Variants in PRKAB1 observed in about 807,000 individuals in gnomAD.
The protein encoded by PRKAB1 is 5'-AMP-activated protein kinase subunit beta-1.
PRKAB1 carries 18 observed loss-of-function variants against 32.0 expected under a neutral mutation model. That is an observed-to-expected ratio of 0.56 (90% CI 0.39 to 0.83). PRKAB1 has a LOEUF of 0.83. PRKAB1 is among the 40% of genes least tolerant of loss of function. PRKAB1 has a pLI of 0.00. For synonymous variants in PRKAB1, 141 were observed against 141.4 expected, an observed-to-expected ratio of 1.00 and a Z score of 0.02; for missense variants, 263 against 352.6, an observed-to-expected ratio of 0.75 and a Z score of 2.03.
chr12:119,671,988 A>G (rs917575677), intron 1 of PRKAB1, among the ~76,000 whole-genome samples: 11 of 152,240 alleles, frequency 7.2e-5, no homozygotes, highest in South Asian at 2.1e-4. Context: ...GATTCGTAGT[A>G]GCCCCTTCCA....
rs907911470 is a variant in PRKAB1 at position 119,672,211 on chromosome 12, G to C, written c.160-90G>C. 6.0e-6 allele frequency: 8 copies of C among 1,322,318 alleles called. No individual in the cohort carries two copies. In the African/African-American group the frequency reaches 1.2e-4, roughly 20 times the overall value. The allele number at this position is 1,322,318 out of a possible 1,614,324, so 81.9% of individuals were successfully genotyped here. On this transcript the variant is annotated intron_variant, in intron 1 of 6. Coordinates refer to ENST00000229328, the MANE Select transcript of PRKAB1 (RefSeq NM_006253.5). ...CCGATCCTAACCATGAACCAAGATA[G>C]TAACAGCTGCGTCTTTAGAATGAAT...
rs1955448399 is a variant in PRKAB1 at position 119,679,374 on chromosome 12, C to T, written c.667-559C>T. 6.4e-6 allele frequency: 1 copy of T among 155,224 alleles called. No individual in the cohort carries two copies. The highest frequency in any genetic ancestry group is 2.4e-5 in the African/African-American group (1 of 41,478). The allele number at this position is 155,224 out of a possible 1,614,324, so 9.6% of individuals were successfully genotyped here. A position where few individuals can be genotyped will look rare whatever the true frequency, so the allele number is the denominator to read the frequency against. On this transcript the variant is annotated intron_variant, in intron 5 of 6. Transcript: ENST00000229328. This position sits in a 1 kb window ranked among gnomAD's most constrained non-coding sequence, Gnocchi z 4.1. ...TTTTCCATTTGAATTGCATTTATAA[C>T]AGTTGGGGGTATACAATGAAAAAAT... is the stretch of plus-strand genomic sequence containing the variant.
intron 1 of PRKAB1, among the ~76,000 whole-genome samples, chr12:119,671,306 T>TA (rs1955386829): frequency 6.6e-6 from 1 of 152,258 alleles, no homozygotes; most frequent in Admixed American, 6.5e-5. Context: ...AATACATCAT[T>TA]AGGTGATTTT....
chr12:119,673,851 G>A, intron 2 of PRKAB1, 113 bp from the exon 3 acceptor site: 1 of 796,892 alleles, frequency 1.3e-6, no homozygotes. Context: ...TTGTTCTCCT[G>A]CAGCTGAACT....
intron 5 of PRKAB1, chr12:119,678,095 C>A (rs1955439981): frequency 6.6e-6 from 1 of 152,168 alleles, no homozygotes; most frequent in African/African-American, 2.4e-5. Context: ...AGGGAGGCAT[C>A]ACTAGCCATC....
At chr12:119,678,978 A>T (rs1325200558) in intron 5 of PRKAB1, 1 of 152,230 alleles carries the variant, frequency 6.6e-6, no homozygotes, top group Non-Finnish European at 1.5e-5. Flanking sequence ...TCAGCAGTGC[A>T]CTAAAAGTAG....
chr12:119,667,987 G>T, upstream of PRKAB1: 1 of 482,202 alleles, frequency 2.1e-6, no homozygotes, highest in Non-Finnish European at 3.6e-6. Context: ...TGAAGCGGTT[G>T]GGAAAGTGTC....
In PRKAB1 at chr12:119,674,213, A is replaced by G; in HGVS notation, c.418-127A>G. ...GCACTACCTGTCAGACAGTTGGCAT[A>G]CTTGACCAAGATGAGCAGGGTGGCT... On this transcript the variant is annotated intron_variant, in intron 3 of 6. Coordinates refer to ENST00000229328, the MANE Select transcript of PRKAB1 (RefSeq NM_006253.5). The surrounding 1 kb of genome is among the most constrained non-coding windows in gnomAD (Gnocchi z 4.3). 2.0e-6 allele frequency: 2 copies of G among 1,022,940 alleles called. No homozygotes were observed. Among genetic ancestry groups the G allele is most frequent in the Non-Finnish European group, 2.9e-6 (2 of 681,216 alleles). 63.4% of individuals were successfully genotyped at this position (1,022,940 alleles called of 1,614,324 possible).
chr12:119,676,059 C>T (rs942887081), intron 4 of PRKAB1, among the ~76,000 whole-genome samples: 2 of 152,184 alleles, frequency 1.3e-5, no homozygotes, highest in African/African-American at 2.4e-5. Context: ...AAATGTGCCT[C>T]GTTTAGCCTG....
Position 119,674,535 on chromosome 12 carries a change from T to C in PRKAB1, c.532+81T>C. ...GACATACTCTTGTTTCTCTTGCCTC[T>C]CTTGAGCTGAAGCTGCCCAGTCAGA... is the stretch of plus-strand genomic sequence containing the variant. On this transcript the variant is annotated intron_variant, in intron 4 of 6. Coordinates refer to ENST00000229328, the MANE Select transcript of PRKAB1 (RefSeq NM_006253.5). This position sits in a 1 kb window ranked among gnomAD's most constrained non-coding sequence, Gnocchi z 4.3. 2 of 1,051,064 alleles carry C rather than the reference T, an allele frequency of 1.9e-6. No homozygotes were observed. The highest frequency in any genetic ancestry group is 2.8e-6 in the Non-Finnish European group (2 of 713,000). The allele number at this position is 1,051,064 out of a possible 1,614,324, so 65.1% of individuals were successfully genotyped here.
intron 1 of PRKAB1, among the ~76,000 whole-genome samples, chr12:119,670,878 T>C (rs945627843): frequency 2.6e-5 from 4 of 152,248 alleles, no homozygotes; most frequent in Non-Finnish European, 5.9e-5. Flanking sequence ...CAGGCATCAT[T>C]TGGATAAGCT....
intron 6 of PRKAB1, 21 bp downstream of exon 6, chr12:119,680,022 A>T: frequency 6.2e-7 from 1 of 1,605,950 alleles, no homozygotes. Context: ...GTCTGTCCCC[A>T]TGAGAGCTGT....
intron 2 of PRKAB1, 52 bp from the exon 3 acceptor site, chr12:119,673,912 C>T: frequency 1.3e-6 from 2 of 1,500,966 alleles, no homozygotes; most frequent in Non-Finnish European, 1.8e-6. Flanking sequence ...GGCAAGTAAG[C>T]TCGGGGGGCA....
intron 5 of PRKAB1, chr12:119,677,742 T>G (rs1215584939): frequency 6.7e-6 from 1 of 148,268 alleles, no homozygotes; most frequent in Admixed American, 6.8e-5. Flanking sequence ...TTCAGTGCCC[T>G]CCTAAGCTAG....
chr12:119,674,261 G>A lies in PRKAB1; in HGVS notation c.418-79G>A. On this transcript the variant is annotated intron_variant, in intron 3 of 6. Coordinates refer to ENST00000229328, the MANE Select transcript of PRKAB1 (RefSeq NM_006253.5). This position sits in a 1 kb window ranked among gnomAD's most constrained non-coding sequence, Gnocchi z 4.3. Reference sequence around the variant, plus strand: ...GCTAGCCAGGAGATGAGGCCTTCCAGCCAGGAATTCCAAGTCCTCTGAAGA... The same window carrying A: ...GCTAGCCAGGAGATGAGGCCTTCCAACCAGGAATTCCAAGTCCTCTGAAGA... 8.0e-7 allele frequency: 1 copy of A among 1,256,262 alleles called. No homozygotes were observed. Among genetic ancestry groups the A allele is most frequent in the Non-Finnish European group, 1.1e-6 (1 of 876,624 alleles). The allele number at this position is 1,256,262 out of a possible 1,614,324, so 77.8% of individuals were successfully genotyped here. A position where few individuals can be genotyped will look rare whatever the true frequency, so the allele number is the denominator to read the frequency against.
At position 119,674,605 on chromosome 12, in the gene PRKAB1, T is replaced by G. The variant is rs1054559560; in HGVS notation, c.532+151T>G. On this transcript the variant is annotated intron_variant, in intron 4 of 6. Coordinates refer to ENST00000229328, the MANE Select transcript of PRKAB1 (RefSeq NM_006253.5). This position sits in a 1 kb window ranked among gnomAD's most constrained non-coding sequence, Gnocchi z 4.3. ...CTTAAAGGCCACAGAACTTAATTCC[T>G]GTCAGGTTGTTGAAATTTAGCCCTA... The G allele has an allele frequency of 3.5e-6, 2 of 570,096 alleles. No individual in the cohort carries two copies. Among genetic ancestry groups the G allele is most frequent in the Admixed American group, 6.7e-5 (2 of 29,776 alleles). 35.3% of individuals were successfully genotyped at this position (570,096 alleles called of 1,614,324 possible).
chr12:119,676,237 T>C (rs1268196807), intron 4 of PRKAB1, among the ~76,000 whole-genome samples: 2 of 152,152 alleles, frequency 1.3e-5, no homozygotes, highest in African/African-American at 4.8e-5. Flanking sequence ...CTGCCGTGCG[T>C]GTGGGATTAA....
chr12:119,674,118 C>T lies in PRKAB1; in HGVS notation c.417+61C>T. On this transcript the variant is annotated intron_variant, in intron 3 of 6. Transcript: ENST00000229328. This position sits in a 1 kb window ranked among gnomAD's most constrained non-coding sequence, Gnocchi z 4.3. ...CGCACATTCCAAACAAATCACCTTC[C>T]CAAGAGATTGCCGCTAGGTCCCTTT... The T allele has an allele frequency of 6.7e-7, 1 of 1,491,442 alleles. No individual in the cohort carries two copies. Among genetic ancestry groups the T allele is most frequent in the South Asian group, 1.2e-5 (1 of 85,174 alleles). 92.4% of individuals were successfully genotyped at this position (1,491,442 alleles called of 1,614,324 possible). A position where few individuals can be genotyped will look rare whatever the true frequency, so the allele number is the denominator to read the frequency against.
intron 5 of PRKAB1, chr12:119,678,265 C>T (rs1019340854): frequency 6.6e-6 from 1 of 152,118 alleles, no homozygotes; most frequent in Non-Finnish European, 1.5e-5. Flanking sequence ...TTTATTTTGC[C>T]CCAAACTAAT....
Sources: allele counts gnomAD v4.1 joint callset (sites outside exome capture counted in the v4.1 genomes callset), GRCh38; gene constraint gnomAD v4.1.1; non-coding constraint Gnocchi (gnomAD v3.1); transcripts MANE v1.5; gene names NCBI Gene and HGNC (gene_info 2026-07-23, HGNC 2026-07-21).